BABAM2: variants seen among roughly 807,000 people sequenced by gnomAD.
BABAM2 encodes BRISC and BRCA1 A complex member 2.
A neutral mutation model predicts 54.7 loss-of-function variants in BABAM2; 31 were observed. The observed-to-expected ratio is 0.57, with a 90% CI of 0.43 to 0.77. BABAM2 has a LOEUF of 0.77. BABAM2 is among the 30% of genes least tolerant of loss of function. The probability of loss-of-function intolerance (pLI) is 0.00; values close to 1 mark genes in which losing one functional copy is unlikely to be tolerated. For synonymous variants in BABAM2, 167 were observed against 162.9 expected (o/e 1.03, Z -0.19); for missense variants, 364 against 455.8 (o/e 0.80, Z 1.83).
At chr2:28,038,761 C>T (rs1676853279) in intron 5 of BABAM2, among the ~76,000 whole-genome samples, 1 of 152,162 alleles carries the variant, frequency 6.6e-6, no homozygotes, top group African/African-American at 2.4e-5. Context: ...ATATGTACCA[C>T]ATTTTAAAAA....
intron 2 of BABAM2, among the ~76,000 whole-genome samples, chr2:27,907,630 CT>C (rs1420029707): frequency 6.6e-6 from 1 of 152,084 alleles, no homozygotes; most frequent in Non-Finnish European, 1.5e-5. Flanking sequence ...ATCTCCAAAA[CT>C]TTTTTCATCT....
intron 10 of BABAM2, among the ~76,000 whole-genome samples, chr2:28,278,579 G>A (rs1484897661): frequency 4.6e-5 from 7 of 152,134 alleles, no homozygotes; most frequent in African/African-American, 1.7e-4. Flanking sequence ...AGTTTGAGGT[G>A]TTTATGTGAT....
intron 7 of BABAM2, among the ~76,000 whole-genome samples, chr2:28,191,248 A>G (rs1370949868): frequency 1.3e-5 from 2 of 152,232 alleles, no homozygotes. Flanking sequence ...TAAAAGTTTG[A>G]CCAAAACAAG....
chr2:28,227,138 A>AT lies in BABAM2; in HGVS notation c.681-10053dup, dbSNP rs1055273696. Among the ~76,000 whole-genome samples, 241 of 148,594 alleles carry AT rather than the reference A, an allele frequency of 1.6e-3. 1 individual carries two copies. Among genetic ancestry groups the AT allele is most frequent in the African/African-American group, 5.5e-3 (225 of 40,750 alleles). On this transcript the variant is annotated intron_variant, in intron 7 of 11. Transcript: ENST00000379624. ...GCTGAGATTCAATCTCAAAGCCCAG[A>AT]TTTTTTTTTTTAATCTCCAGAACAT...
intron 6 of BABAM2, 58 bp downstream of exon 6, chr2:28,045,857 A>T: frequency 7.5e-7 from 1 of 1,329,904 alleles, no homozygotes; most frequent in Non-Finnish European, 1.1e-6. Flanking sequence ...GTAATTATTT[A>T]ACTCAATATT....
chr2:27,922,115 T>A (rs891957441), intron 2 of BABAM2, among the ~76,000 whole-genome samples: 6 of 152,238 alleles, frequency 3.9e-5, no homozygotes, highest in African/African-American at 1.4e-4. Flanking sequence ...GTAAGTGGTT[T>A]CCAATCCCAG....
chr2:28,115,185 ACAC>A (rs1668502492), intron 6 of BABAM2, among the ~76,000 whole-genome samples: 3 of 42,070 alleles, frequency 7.1e-5, no homozygotes, highest in African/African-American at 3.9e-4. Context: ...ACTTTAAAAC[ACAC>A]ACACACACAC....
intron 7 of BABAM2, among the ~76,000 whole-genome samples, chr2:28,180,404 G>A (rs556396212): frequency 8.0e-4 from 122 of 151,942 alleles, no homozygotes; most frequent in Admixed American, 2.6e-3. Context: ...TGGAAAACTG[G>A]ATCTCCATAT....
intron 6 of BABAM2, among the ~76,000 whole-genome samples, chr2:28,054,413 A>T (rs1678234855): frequency 6.6e-6 from 1 of 152,132 alleles, no homozygotes; most frequent in African/African-American, 2.4e-5. Flanking sequence ...TTAGTTTCCC[A>T]AACTGTTAAA....
intron 11 of BABAM2, among the ~76,000 whole-genome samples, chr2:28,319,954 G>A (rs961938762): frequency 2.0e-5 from 3 of 151,932 alleles, no homozygotes; most frequent in Admixed American, 6.6e-5. Flanking sequence ...GTGCTGTGGC[G>A]GCATTCCACC....
intron 10 of BABAM2, among the ~76,000 whole-genome samples, chr2:28,247,475 C>A (rs1297650114): frequency 2.0e-5 from 3 of 152,150 alleles, no homozygotes; most frequent in Non-Finnish European, 4.4e-5. Context: ...TTACAATGCC[C>A]AAGGGACCAC....
At chr2:28,185,682 C>T (rs749981584) in intron 7 of BABAM2, among the ~76,000 whole-genome samples, 2 of 151,966 alleles carry the variant, frequency 1.3e-5, no homozygotes, top group Non-Finnish European at 2.9e-5. Flanking sequence ...AAGCAAGTTA[C>T]CTGGATCACC....
chr2:28,147,056 CTCTACATAA>C (rs1191110173), intron 7 of BABAM2, among the ~76,000 whole-genome samples: 1 of 152,152 alleles, frequency 6.6e-6, no homozygotes, highest in Non-Finnish European at 1.5e-5. Flanking sequence ...AATGACTTCC[CTCTACATAA>C]TCACTAACTA....
intron 7 of BABAM2, among the ~76,000 whole-genome samples, chr2:28,195,768 C>T (rs1302161151): frequency 6.6e-6 from 1 of 152,174 alleles, no homozygotes; most frequent in Non-Finnish European, 1.5e-5. Context: ...ATGAGAGTGC[C>T]AAGTTGGACA....
chr2:28,101,107 A>G (rs1387822026), intron 6 of BABAM2, among the ~76,000 whole-genome samples: 1 of 152,208 alleles, frequency 6.6e-6, no homozygotes, highest in Non-Finnish European at 1.5e-5. Context: ...CAGCAGTTTT[A>G]TAACTTCTCA....
chr2:28,224,853 A>C (rs1180359635), intron 7 of BABAM2, among the ~76,000 whole-genome samples: 95 of 110,178 alleles, frequency 8.6e-4, no homozygotes, highest in African/African-American at 2.9e-3. Flanking sequence ...TAAATTGACA[A>C]AAAAAAAAAA....
At chr2:28,294,791 G>A (rs1380785784) in intron 10 of BABAM2, among the ~76,000 whole-genome samples, 1 of 152,176 alleles carries the variant, frequency 6.6e-6, no homozygotes, top group Non-Finnish European at 1.5e-5. Flanking sequence ...GCAAGATACT[G>A]TATTTTTAAA....
chr2:27,900,217 A>G (rs1169536089), intron 2 of BABAM2, among the ~76,000 whole-genome samples: 2 of 152,252 alleles, frequency 1.3e-5, no homozygotes, highest in Non-Finnish European at 2.9e-5. Context: ...TATAAATAAA[A>G]GTATAAAACA....
chr2:28,185,209 C>T (rs1676151765), intron 7 of BABAM2, among the ~76,000 whole-genome samples: 1 of 152,160 alleles, frequency 6.6e-6, no homozygotes, highest in Non-Finnish European at 1.5e-5. Flanking sequence ...CATTTCTTAT[C>T]TGAGCATATT....
Sources: allele counts gnomAD v4.1 joint callset (sites outside exome capture counted in the v4.1 genomes callset), GRCh38; gene constraint gnomAD v4.1.1; transcripts MANE v1.5; gene names NCBI Gene and HGNC (gene_info 2026-07-23, HGNC 2026-07-21).